The following MUSK variants were observed in gnomAD, a reference collection of about 807,000 sequenced individuals.
MUSK encodes muscle, skeletal receptor tyrosine-protein kinase.
A neutral mutation model predicts 88.7 loss-of-function variants in MUSK; 55 were observed. That is an observed-to-expected ratio of 0.62 (90% confidence interval 0.50 to 0.78). The LOEUF (loss-of-function observed/expected upper bound fraction) is 0.78. Ranked by LOEUF, MUSK falls within the 30% of genes least tolerant of loss-of-function variation. The probability of loss-of-function intolerance (pLI) is 0.00; values close to 1 mark genes in which losing one functional copy is unlikely to be tolerated. For synonymous variants in MUSK, 387 were observed against 391.9 expected (o/e 0.99, Z 0.15); for missense variants, 1,015 against 1,074.3 (o/e 0.94, Z 0.77).
intron 1 of MUSK, among the ~76,000 whole-genome samples, chr9:110,670,601 T>C (rs2075945028): frequency 6.6e-6 from 1 of 152,190 alleles, no homozygotes; most frequent in African/African-American, 2.4e-5. Flanking sequence ...GCACACTATC[T>C]CTATTTTGAA....
At chr9:110,706,501 T>C (rs1017086603) in intron 5 of MUSK, among the ~76,000 whole-genome samples, 2 of 152,124 alleles carry the variant, frequency 1.3e-5, no homozygotes, top group African/African-American at 4.8e-5. Context: ...GTTTTTCTTA[T>C]ATATCTGAAA....
At position 110,775,845 on chromosome 9, in the gene MUSK, A is replaced by C. The variant is rs891246258; in HGVS notation, c.1242A>C (p.Glu414Asp). ...LFCAKEWLVM[E>D]EKTHRGLYRS... ...GCGCAAAAGAATGGCTGGTAATGGAAGAGAAGACCCACAGAGGACTCTACA... is the reference window on the plus strand; with the variant it reads ...GCGCAAAAGAATGGCTGGTAATGGACGAGAAGACCCACAGAGGACTCTACA... The change falls in exon 10 of 15, where the codon GAA becomes GAC. Residue 414 changes from glutamate to aspartate, a missense_variant. By Grantham distance (45) the Glu-to-Asp change is conservative. Coordinates refer to ENST00000374448, the MANE Select transcript of MUSK (RefSeq NM_005592.4). 6.2e-7 allele frequency: 1 copy of C among 1,613,932 alleles called. No homozygotes were observed. Among genetic ancestry groups the C allele is most frequent in the Non-Finnish European group, 8.5e-7 (1 of 1,179,832 alleles).
chr9:110,728,666 TTTGTC>T, intron 5 of MUSK: 1 of 1,519,500 alleles, frequency 6.6e-7, no homozygotes, highest in Non-Finnish European at 9.0e-7. Flanking sequence ...GTGTGTTTGT[TTTGTC>T]TTGTTTTTAT....
At position 110,704,058 on chromosome 9, in the gene MUSK, T is replaced by C. The variant is rs141201961; in HGVS notation, c.628+6592T>C. 1.5e-3 allele frequency among the ~76,000 whole-genome samples: 225 copies of C among 152,286 alleles called. 1 individual carries two copies. The highest frequency in any genetic ancestry group is 5.0e-3 in the African/African-American group (208 of 41,562). ...GTGGGGAAACTATCACTTTCATCTA[T>C]CCTTACAATTTGGTATAGCCGCATG... On this transcript the variant is annotated intron_variant, in intron 5 of 14. Coordinates refer to ENST00000374448, the MANE Select transcript of MUSK (RefSeq NM_005592.4).
At chr9:110,798,585 A>C (rs959304120) in intron 14 of MUSK, among the ~76,000 whole-genome samples, 17 of 152,134 alleles carry the variant, frequency 1.1e-4, no homozygotes, top group Admixed American at 3.3e-4. Flanking sequence ...AAATCTATCC[A>C]TGCATCCACC....
At chr9:110,685,964 G>GTATT (rs1350333026) in intron 2 of MUSK, among the ~76,000 whole-genome samples, 1 of 152,084 alleles carries the variant, frequency 6.6e-6, no homozygotes, top group Admixed American at 6.6e-5. Flanking sequence ...ACCAAAACCT[G>GTATT]TATTTATTTA....
At chr9:110,697,727 C>T (rs188095325) in intron 5 of MUSK, among the ~76,000 whole-genome samples, 215 of 152,190 alleles carry the variant, frequency 1.4e-3, no homozygotes, top group Non-Finnish European at 2.2e-3. Flanking sequence ...ACTAAATTTA[C>T]TGTAACAGTA....
intron 1 of MUSK, among the ~76,000 whole-genome samples, chr9:110,681,022 TTATATATTATATATTATATAA>T (rs2076105840): frequency 4.8e-5 from 1 of 20,628 alleles, no homozygotes; most frequent in Non-Finnish European, 8.4e-5. Flanking sequence ...ATAATATATA[TTATATATTATATATTATATAA>T]TATATATTAT....
intron 5 of MUSK, among the ~76,000 whole-genome samples, chr9:110,708,138 A>ATCTC (rs1346549086): frequency 6.7e-6 from 1 of 149,826 alleles, no homozygotes; most frequent in Admixed American, 6.7e-5. Context: ...CTATCTATCT[A>ATCTC]TCATGTCACA....
intron 6 of MUSK, among the ~76,000 whole-genome samples, chr9:110,735,321 T>C (rs1767875510): frequency 4.6e-5 from 7 of 152,170 alleles, no homozygotes; most frequent in Admixed American, 4.6e-4. Context: ...TATCCATCAA[T>C]GGATGAATGG....
At chr9:110,716,390 C>T (rs940248742) in intron 5 of MUSK, among the ~76,000 whole-genome samples, 1 of 149,738 alleles carries the variant, frequency 6.7e-6, no homozygotes, top group African/African-American at 2.5e-5. Context: ...TAAATTCTCA[C>T]AAAGTAATAG....
At chr9:110,758,964 A>G (rs2077362723) in intron 7 of MUSK, among the ~76,000 whole-genome samples, 1 of 152,228 alleles carries the variant, frequency 6.6e-6, no homozygotes, top group African/African-American at 2.4e-5. Flanking sequence ...TTCTTCACAG[A>G]ACTAGAAACA....
At chr9:110,710,768 G>A (rs534519296) in intron 5 of MUSK, among the ~76,000 whole-genome samples, 21 of 152,038 alleles carry the variant, frequency 1.4e-4, no homozygotes, top group East Asian at 3.9e-4. Flanking sequence ...AAGTGAAGGC[G>A]GCCTTCGTGT....
At chr9:110,711,558 T>G (rs1005978658) in intron 5 of MUSK, among the ~76,000 whole-genome samples, 1 of 152,260 alleles carries the variant, frequency 6.6e-6, no homozygotes. Flanking sequence ...GACGAAATCT[T>G]ATGGAGAAAT....
chr9:110,778,859 A>G (rs945603843), intron 11 of MUSK, among the ~76,000 whole-genome samples: 20 of 152,096 alleles, frequency 1.3e-4, no homozygotes, highest in African/African-American at 4.8e-4. Context: ...ACCTTTTCAC[A>G]TTTGTTATAA....
intron 3 of MUSK, among the ~76,000 whole-genome samples, chr9:110,694,307 AC>A (rs1457149506): frequency 6.9e-6 from 1 of 144,084 alleles, no homozygotes; most frequent in Non-Finnish European, 1.5e-5. Flanking sequence ...AATGGCATGA[AC>A]CCGGGAGGCG....
At chr9:110,739,811 T>C (rs906591393) in intron 6 of MUSK, among the ~76,000 whole-genome samples, 3 of 152,166 alleles carry the variant, frequency 2.0e-5, no homozygotes, top group Non-Finnish European at 2.9e-5. Flanking sequence ...TTTGGGTGGA[T>C]TGAGAATGGC....
At chr9:110,788,972 G>A (rs558290677) in intron 14 of MUSK, among the ~76,000 whole-genome samples, 120 of 152,304 alleles carry the variant, frequency 7.9e-4, no homozygotes, top group African/African-American at 2.9e-3. Context: ...GAATGTGGCT[G>A]GAGCAGAGTG....
In MUSK at chr9:110,695,461, C is replaced by T; in HGVS notation, c.417C>T (p.Val139=). 6.4e-7 allele frequency: 1 copy of T among 1,552,544 alleles called. No homozygotes were observed. Among genetic ancestry groups the T allele is most frequent in the Non-Finnish European group, 8.8e-7 (1 of 1,141,026 alleles). The change falls in exon 4 of 15, where the codon GTC becomes GTT. Residue 139 remains valine, a synonymous_variant. Coordinates refer to ENST00000374448, the MANE Select transcript of MUSK (RefSeq NM_005592.4). ...NVKIIEGLKA[V]LPCTTMGNPK... ...AAATAATAGAGGGATTAAAAGCAGT[C>T]CTACCATGTACTACAATGGGTAATC... is the stretch of plus-strand genomic sequence containing the variant.
Sources: allele counts gnomAD v4.1 joint callset (sites outside exome capture counted in the v4.1 genomes callset), GRCh38; gene constraint gnomAD v4.1.1; transcripts MANE v1.5; gene names NCBI Gene and HGNC (gene_info 2026-07-23, HGNC 2026-07-21).